Variants in EGFLAM observed in about 807,000 individuals in gnomAD.
EGFLAM encodes EGF like, fibronectin type III and laminin G domains, also known as pikachurin.
In EGFLAM, 79 loss-of-function variants were observed where a neutral mutation model predicts 113.1. The observed-to-expected ratio is 0.70, with a 90% CI of 0.58 to 0.84. The LOEUF is 0.84. Among genes scored for constraint, EGFLAM ranks in the 40% least tolerant of loss-of-function variants. EGFLAM has a pLI of 0.00. For missense variants in EGFLAM, 1,265 were observed against 1,291.6 expected (o/e 0.98, Z 0.32); for synonymous variants, 504 against 487.6 (o/e 1.03, Z -0.44).
intron 5 of EGFLAM, among the ~76,000 whole-genome samples, chr5:38,356,036 A>T (rs1289652165): frequency 1.3e-5 from 2 of 152,266 alleles, no homozygotes; most frequent in Non-Finnish European, 2.9e-5. Context: ...CTGGGATTAC[A>T]GGCATGAGCC....
chr5:38,414,427 G>A (rs910566277), intron 11 of EGFLAM, among the ~76,000 whole-genome samples: 3 of 152,222 alleles, frequency 2.0e-5, no homozygotes, highest in Admixed American at 1.3e-4. Context: ...AGTGGGGGAA[G>A]TTCCATAGCT....
intron 4 of EGFLAM, 60 bp downstream of exon 4, chr5:38,350,678 A>G (rs910879557): frequency 6.8e-7 from 1 of 1,479,958 alleles, no homozygotes; most frequent in African/African-American, 1.4e-5. Context: ...TCCTTCATTC[A>G]GCAAATATCA....
chr5:38,288,835 CAT>C (rs1758234443), intron 1 of EGFLAM, among the ~76,000 whole-genome samples: 3 of 152,300 alleles, frequency 2.0e-5, no homozygotes, highest in East Asian at 1.9e-4. Flanking sequence ...GTAGACCAGA[CAT>C]GTGTTGTTTC....
intron 6 of EGFLAM, among the ~76,000 whole-genome samples, chr5:38,372,110 G>A (rs1740238092): frequency 1.3e-5 from 2 of 151,976 alleles, no homozygotes; most frequent in South Asian, 4.2e-4. Flanking sequence ...AGTCAGGGAA[G>A]GATGGGTGGG....
chr5:38,331,100 CTATT>C (rs1483578567), intron 1 of EGFLAM, among the ~76,000 whole-genome samples: 1 of 152,106 alleles, frequency 6.6e-6, no homozygotes, highest in Non-Finnish European at 1.5e-5. Context: ...TTTTAAAAGA[CTATT>C]TAGAGTTTCA....
intron 3 of EGFLAM, among the ~76,000 whole-genome samples, chr5:38,341,476 A>G (rs1468205743): frequency 6.6e-6 from 1 of 152,212 alleles, no homozygotes; most frequent in Non-Finnish European, 1.5e-5. Flanking sequence ...AGCTGGTCCC[A>G]CCCTTGACAC....
intron 19 of EGFLAM, among the ~76,000 whole-genome samples, chr5:38,452,858 A>G (rs796678853): frequency 6.6e-6 from 1 of 152,346 alleles, no homozygotes; most frequent in African/African-American, 2.4e-5. Flanking sequence ...TCAAATGCAT[A>G]GCTATGAAGT....
chr5:38,357,100 T>C (rs1739782084), intron 5 of EGFLAM, among the ~76,000 whole-genome samples: 1 of 152,068 alleles, frequency 6.6e-6, no homozygotes, highest in Non-Finnish European at 1.5e-5. Flanking sequence ...CTGGGCAACA[T>C]AAAAAAATTA....
At position 38,370,275 on chromosome 5, in the gene EGFLAM, CT is replaced by C. The variant is rs141715489; in HGVS notation, c.546-20del. 765 of 1,606,210 alleles carry C rather than the reference CT, an allele frequency of 4.8e-4. 9 individuals are homozygous for C. The East Asian group carries it at 0.016, about 34-fold the overall frequency. On this transcript the variant is annotated intron_variant, in intron 5 of 21. Coordinates refer to ENST00000322350, the MANE Select transcript of EGFLAM (RefSeq NM_152403.4). ...TGGTATTTCTGAACTACTGCTTCTT[CT>C]GTTTTTCTAATCAATAAAGGCCAGA...
rs1742571698 is a variant in EGFLAM, at chr5:38,442,332, A to G, written c.2464+3877A>G. ...AAATTTTTATATTTAATATCAATAT[A>G]TTATTTGATTTAAAATATTAAATTA... On this transcript the variant is annotated intron_variant, in intron 17 of 21. Coordinates refer to ENST00000322350, the MANE Select transcript of EGFLAM (RefSeq NM_152403.4). Among the ~76,000 whole-genome samples, 6 of 147,898 alleles carry G rather than the reference A, an allele frequency of 4.1e-5. No individual in the cohort carries two copies. The Admixed American group carries it at 4.1e-4, about 10-fold the overall frequency.
Position 38,316,494 on chromosome 5 carries a change from C to T in EGFLAM, c.98-21026C>T, listed in dbSNP as rs376548927. 2.2e-4 allele frequency among the ~76,000 whole-genome samples: 33 copies of T among 152,278 alleles called. No individual in the cohort carries two copies. In the South Asian group the frequency reaches 6.6e-3, roughly 31 times the overall value. On this transcript the variant is annotated intron_variant, in intron 1 of 21. Coordinates refer to ENST00000322350, the MANE Select transcript of EGFLAM (RefSeq NM_152403.4). ...AAAATAGGACAATAATAGTGCCTGCCTAGTAGAGTTGTTGTGAGGATTGAT... is the reference window on the plus strand; with the variant it reads ...AAAATAGGACAATAATAGTGCCTGCTTAGTAGAGTTGTTGTGAGGATTGAT...
intron 6 of EGFLAM, among the ~76,000 whole-genome samples, chr5:38,387,769 GA>G (rs1381400653): frequency 1.3e-5 from 2 of 152,150 alleles, no homozygotes; most frequent in Non-Finnish European, 2.9e-5. Flanking sequence ...TATTTATTTC[GA>G]AAACGTTTCT....
intron 20 of EGFLAM, chr5:38,461,032 A>G (rs1743253346): frequency 6.6e-6 from 1 of 152,238 alleles, no homozygotes; most frequent in Admixed American, 6.5e-5. Context: ...TTTTATGGAT[A>G]AAAATGATAA....
intron 6 of EGFLAM, 34 bp from the exon 7 acceptor site, chr5:38,406,092 G>T: frequency 1.3e-6 from 2 of 1,553,274 alleles, no homozygotes; most frequent in Non-Finnish European, 8.9e-7. Context: ...GAAGGCCTGT[G>T]CTGATGAAGG....
At chr5:38,392,664 GT>G (rs1311981921) in intron 6 of EGFLAM, among the ~76,000 whole-genome samples, 3 of 151,714 alleles carry the variant, frequency 2.0e-5, no homozygotes, top group African/African-American at 7.3e-5. Context: ...TAATATCATG[GT>G]TTAGTGTTCA....
intron 14 of EGFLAM, chr5:38,430,192 A>G (rs1742145605): frequency 5.8e-6 from 1 of 171,734 alleles, no homozygotes; most frequent in Non-Finnish European, 1.3e-5. Flanking sequence ...CCTATAGCAG[A>G]AAGGTCCTTC....
intron 10 of EGFLAM, among the ~76,000 whole-genome samples, chr5:38,409,675 C>T (rs10065737): frequency 6.6e-6 from 1 of 152,058 alleles, no homozygotes; most frequent in Admixed American, 6.5e-5. Flanking sequence ...AAGGCTGGGG[C>T]CTTCTCATCT....
At chr5:38,376,103 TC>T (rs1740357823) in intron 6 of EGFLAM, among the ~76,000 whole-genome samples, 1 of 152,168 alleles carries the variant, frequency 6.6e-6, no homozygotes, top group South Asian at 2.1e-4. Context: ...CATTATAGTT[TC>T]CTTTTGACCT....
At chr5:38,388,933 CAA>C (rs33962258) in intron 6 of EGFLAM, among the ~76,000 whole-genome samples, 1 of 139,530 alleles carries the variant, frequency 7.2e-6, no homozygotes, top group African/African-American at 2.8e-5. Context: ...AAAAAAAAAA[CAA>C]AAAAAAATGC....
Sources: allele counts gnomAD v4.1 joint callset (sites outside exome capture counted in the v4.1 genomes callset), GRCh38; gene constraint gnomAD v4.1.1; transcripts MANE v1.5; gene names NCBI Gene and HGNC (gene_info 2026-07-23, HGNC 2026-07-21).